NKAIN2: variants seen among roughly 807,000 people sequenced by gnomAD.
The protein encoded by NKAIN2 is sodium/potassium transporting ATPase interacting 2.
Under a neutral mutation model 32.6 loss-of-function variants are expected in NKAIN2, and 14 were observed. That is an observed-to-expected ratio of 0.43 (90% confidence interval 0.28 to 0.67). NKAIN2 has a LOEUF of 0.67. Ranked by LOEUF, NKAIN2 falls within the 30% of genes least tolerant of loss-of-function variation. NKAIN2 has a pLI of 0.17. For missense variants in NKAIN2, 198 were observed against 258.3 expected, an observed-to-expected ratio of 0.77 and a Z score of 1.60; for synonymous variants, 80 against 87.2, an observed-to-expected ratio of 0.92 and a Z score of 0.46.
chr6:124,128,974 G>A (rs545437882), intron 1 of NKAIN2, among the ~76,000 whole-genome samples: 6 of 152,224 alleles, frequency 3.9e-5, no homozygotes, highest in East Asian at 1.9e-4. Flanking sequence ...TCTGATACAC[G>A]AGGCTCAGGG....
At chr6:124,093,168 G>A (rs908785134) in intron 1 of NKAIN2, among the ~76,000 whole-genome samples, 3 of 152,038 alleles carry the variant, frequency 2.0e-5, no homozygotes, top group Admixed American at 2.0e-4. Flanking sequence ...GTTTGATTTG[G>A]TGTATATATC....
chr6:124,730,391 T>C (rs1161744791), intron 4 of NKAIN2, among the ~76,000 whole-genome samples: 2 of 98,566 alleles, frequency 2.0e-5, no homozygotes, highest in African/African-American at 7.9e-5. Context: ...AACAGAGCCC[T>C]CAGAAATAAC....
intron 1 of NKAIN2, among the ~76,000 whole-genome samples, chr6:124,196,387 C>T (rs1790316405): frequency 6.6e-6 from 1 of 152,004 alleles, no homozygotes; most frequent in Non-Finnish European, 1.5e-5. Flanking sequence ...CCACTATATT[C>T]CCCATATTAT....
At chr6:124,722,243 C>G (rs1028645285) in intron 4 of NKAIN2, among the ~76,000 whole-genome samples, 1 of 152,184 alleles carries the variant, frequency 6.6e-6, no homozygotes, top group Non-Finnish European at 1.5e-5. Flanking sequence ...GTTGCTTTCA[C>G]CTTTTGGCTA....
At chr6:123,929,455 C>G (rs1403948930) in intron 1 of NKAIN2, among the ~76,000 whole-genome samples, 1 of 152,072 alleles carries the variant, frequency 6.6e-6, no homozygotes, top group African/African-American at 2.4e-5. Flanking sequence ...TGAAATGACT[C>G]TGTTTCATAT....
At chr6:124,178,299 C>CCTTT (rs1491272117) in intron 1 of NKAIN2, among the ~76,000 whole-genome samples, 1 of 139,092 alleles carries the variant, frequency 7.2e-6, no homozygotes, top group African/African-American at 2.6e-5. Context: ...CGTACATTAA[C>CCTTT]TTTTTTTTTT....
chr6:124,686,395 A>C (rs1368199039), intron 4 of NKAIN2, among the ~76,000 whole-genome samples: 1 of 152,142 alleles, frequency 6.6e-6, no homozygotes, highest in East Asian at 1.9e-4. Flanking sequence ...GGCCTCAGGA[A>C]ACTTATGATC....
intron 1 of NKAIN2, among the ~76,000 whole-genome samples, chr6:123,935,070 T>C (rs1441021192): frequency 1.4e-5 from 2 of 147,352 alleles, no homozygotes; most frequent in Admixed American, 1.4e-4. Context: ...TATATATTTC[T>C]ATATATATAT....
At chr6:124,807,795 AG>A (rs1780658933) in intron 5 of NKAIN2, among the ~76,000 whole-genome samples, 1 of 151,190 alleles carries the variant, frequency 6.6e-6, no homozygotes, top group African/African-American at 2.4e-5. Context: ...AAAATGATAA[AG>A]GGGATATCAC....
chr6:123,960,863 C>A lies in NKAIN2; in HGVS notation c.54+156609C>A, dbSNP rs537567418. Among the ~76,000 whole-genome samples the A allele has an allele frequency of 2.0e-5, 3 of 151,610 alleles. No homozygotes were observed. The East Asian group carries it at 5.9e-4, about 30-fold the overall frequency. ...AGTAAGGGAGTGGGGGCTACAATTGCACTTGTTACTTTTTTTCGGGGATTA... is the reference window on the plus strand; with the variant it reads ...AGTAAGGGAGTGGGGGCTACAATTGAACTTGTTACTTTTTTTCGGGGATTA... On this transcript the variant is annotated intron_variant, in intron 1 of 6. Transcript: ENST00000368417.
rs143327026 is a variant in NKAIN2, at chr6:123,897,119, T to C, written c.54+92865T>C. ...TAAACAATTGTAGTAGCTATATCAGTCTGCATTTCTCAATGCCATTAGAGT... is the reference window on the plus strand; with the variant it reads ...TAAACAATTGTAGTAGCTATATCAGCCTGCATTTCTCAATGCCATTAGAGT... On this transcript the variant is annotated intron_variant, in intron 1 of 6. Coordinates refer to ENST00000368417, the MANE Select transcript of NKAIN2 (RefSeq NM_001040214.3). Among the ~76,000 whole-genome samples the C allele has an allele frequency of 8.5e-5, 13 of 152,312 alleles. No homozygotes were observed. In the East Asian group the frequency reaches 2.5e-3, roughly 29 times the overall value.
At chr6:123,817,505 T>C (rs1239736311) in intron 1 of NKAIN2, among the ~76,000 whole-genome samples, 1 of 152,050 alleles carries the variant, frequency 6.6e-6, no homozygotes, top group Non-Finnish European at 1.5e-5. Context: ...GCTGAGGAGA[T>C]TGTGAAGGGA....
At chr6:124,284,449 T>A (rs1390693439) in intron 2 of NKAIN2, among the ~76,000 whole-genome samples, 1 of 152,132 alleles carries the variant, frequency 6.6e-6, no homozygotes, top group Non-Finnish European at 1.5e-5. Context: ...CATTAACTCA[T>A]AATGATTTAA....
intron 3 of NKAIN2, among the ~76,000 whole-genome samples, chr6:124,589,792 T>A (rs1397137685): frequency 1.3e-5 from 2 of 152,158 alleles, no homozygotes; most frequent in Non-Finnish European, 2.9e-5. Flanking sequence ...AAGCCCTGCA[T>A]GCATTAGGTA....
intron 1 of NKAIN2, among the ~76,000 whole-genome samples, chr6:123,973,060 G>A (rs1778413112): frequency 6.6e-6 from 1 of 152,072 alleles, no homozygotes; most frequent in Non-Finnish European, 1.5e-5. Context: ...AATATTGGCT[G>A]ATGAAAAACC....
chr6:124,615,081 G>C (rs373121856), intron 3 of NKAIN2, among the ~76,000 whole-genome samples: 1 of 151,872 alleles, frequency 6.6e-6, no homozygotes, highest in Admixed American at 6.6e-5. Flanking sequence ...CTACTCCTTC[G>C]CACTAATTTC....
At chr6:124,488,846 T>C (rs988756886) in intron 3 of NKAIN2, among the ~76,000 whole-genome samples, 3 of 151,956 alleles carry the variant, frequency 2.0e-5, no homozygotes, top group East Asian at 1.9e-4. Context: ...GATTATTTTA[T>C]TGAGTATGTG....
chr6:124,323,802 T>TC (rs1341705543), intron 2 of NKAIN2, among the ~76,000 whole-genome samples: 1 of 149,138 alleles, frequency 6.7e-6, no homozygotes, highest in Admixed American at 6.7e-5. Flanking sequence ...TTTTTTTTTT[T>TC]TCTGAGACGG....
intron 1 of NKAIN2, among the ~76,000 whole-genome samples, chr6:123,974,580 G>A (rs1778472180): frequency 6.6e-6 from 1 of 152,140 alleles, no homozygotes; most frequent in Admixed American, 6.6e-5. Context: ...ATGTGAGCCT[G>A]CTGTATTGGC....
Sources: allele counts gnomAD v4.1 joint callset (sites outside exome capture counted in the v4.1 genomes callset), GRCh38; gene constraint gnomAD v4.1.1; transcripts MANE v1.5; gene names NCBI Gene and HGNC (gene_info 2026-07-23, HGNC 2026-07-21).